Variants in MMRN2 observed in about 807,000 individuals in gnomAD.
The protein encoded by MMRN2 is multimerin-2.
A neutral mutation model predicts 68.8 loss-of-function variants in MMRN2; 53 were observed. The observed-to-expected ratio is 0.77, with a 90% CI of 0.62 to 0.97. The LOEUF (loss-of-function observed/expected upper bound fraction) is 0.97. Among genes scored for constraint, MMRN2 ranks in the 50% least tolerant of loss-of-function variants. The pLI is 0.00. For missense variants in MMRN2, 1,266 were observed against 1,259.5 expected (o/e 1.01, Z -0.08); for synonymous variants, 564 against 551.6 (o/e 1.02, Z -0.32).
At chr10:86,950,122 G>A (rs868385321) in intron 1 of MMRN2, among the ~76,000 whole-genome samples, 8 of 152,034 alleles carry the variant, frequency 5.3e-5, no homozygotes, top group East Asian at 1.9e-4. Flanking sequence ...CGAAGCAGGC[G>A]GATCACGACG....
chr10:86,951,703 TAA>T (rs35247524), intron 1 of MMRN2, among the ~76,000 whole-genome samples: 24 of 151,330 alleles, frequency 1.6e-4, no homozygotes, highest in African/African-American at 3.9e-4. Context: ...AAATGAAACT[TAA>T]AAAAAAAATC....
chr10:86,937,132 CAT>C lies in MMRN2; in HGVS notation c.2468-9_2468-8del, dbSNP rs773833151. ...TAGAAGGCCACAGGGGATCCTGAAACATAACAGGACAGTGCTTAGTGATTCAT... is the reference window on the plus strand; with the variant it reads ...TAGAAGGCCACAGGGGATCCTGAAACAACAGGACAGTGCTTAGTGATTCAT... On this transcript the variant is annotated splice_polypyrimidine_tract_variant and splice_region_variant and intron_variant, in intron 6 of 6. Transcript: ENST00000372027. The C allele has an allele frequency of 2.5e-6, 4 of 1,613,318 alleles. No individual in the cohort carries two copies. Among genetic ancestry groups the C allele is most frequent in the Non-Finnish European group, 3.4e-6 (4 of 1,179,444 alleles).
intron 6 of MMRN2, among the ~76,000 whole-genome samples, chr10:86,940,815 C>T (rs1263228754): frequency 2.6e-5 from 4 of 152,222 alleles, no homozygotes; most frequent in Admixed American, 2.6e-4. Flanking sequence ...GGAGAGGCCA[C>T]AGCTCCAAGG....
intron 1 of MMRN2, among the ~76,000 whole-genome samples, chr10:86,948,185 C>T (rs1435010618): frequency 1.4e-5 from 2 of 146,020 alleles, no homozygotes; most frequent in East Asian, 2.0e-4. Flanking sequence ...ATGATTATGC[C>T]ACTACACTTC....
chr10:86,949,013 C>T (rs1406321460), intron 1 of MMRN2: 1 of 152,180 alleles, frequency 6.6e-6, no homozygotes, highest in African/African-American at 2.4e-5. Context: ...AGATTAAAAG[C>T]ACCACCAGTT....
intron 1 of MMRN2, among the ~76,000 whole-genome samples, chr10:86,956,595 C>T (rs1844236517): frequency 6.6e-6 from 1 of 152,222 alleles, no homozygotes; most frequent in Admixed American, 6.5e-5. Context: ...GATCCTGCTC[C>T]TTAGCTGTGT....
intron 1 of MMRN2, among the ~76,000 whole-genome samples, chr10:86,953,463 C>A (rs74537619): frequency 0.12 from 17,835 of 152,078 alleles, 1,094 homozygotes; most frequent in East Asian, 0.17. Context: ...GCCGCGGCTC[C>A]AGCCTGTCCC....
At chr10:86,949,561 C>T (rs1006645304) in intron 1 of MMRN2, 6 of 151,436 alleles carry the variant, frequency 4.0e-5, no homozygotes, top group African/African-American at 1.2e-4. Flanking sequence ...AAAACAAAAC[C>T]ATTGTGTGAC....
chr10:86,937,379 A>T (rs7078302), intron 6 of MMRN2, among the ~76,000 whole-genome samples: 16,262 of 148,542 alleles, frequency 0.11, 989 homozygotes, highest in Admixed American at 0.2. Flanking sequence ...AAATACTTTC[A>T]TTTTTTTTTT....
At chr10:86,949,894 G>GATGATA (rs1554894661) in intron 1 of MMRN2, 3 of 144,204 alleles carry the variant, frequency 2.1e-5, no homozygotes, top group Non-Finnish European at 4.5e-5. Context: ...TAATAATAAT[G>GATGATA]ATAATAATAA....
intron 1 of MMRN2, among the ~76,000 whole-genome samples, chr10:86,952,295 T>G (rs1844155721): frequency 6.6e-6 from 1 of 152,174 alleles, no homozygotes; most frequent in South Asian, 2.1e-4. Flanking sequence ...AACAGAGAGC[T>G]GGGAAGGCGC....
chr10:86,957,283 A>G (rs1337621096), intron 1 of MMRN2, 95 bp downstream of exon 1: 2 of 1,319,498 alleles, frequency 1.5e-6, no homozygotes, highest in East Asian at 2.3e-5. Context: ...CATTTCACAG[A>G]TGGGACCCCA....
chr10:86,937,009 A>G lies in MMRN2; in HGVS notation c.2584T>C (p.Phe862Leu). 1 of 1,614,246 alleles carries G rather than the reference A, an allele frequency of 6.2e-7. No homozygotes were observed. Among genetic ancestry groups the G allele is most frequent in the Non-Finnish European group, 8.5e-7 (1 of 1,180,048 alleles). Reference protein sequence around the residue: ...GSSYFPEHGYFRAPERGVYLF... With the variant: ...GSSYFPEHGYLRAPERGVYLF... ...TAGACACCACGCTCAGGGGCTCGGA[A>G]GTAGCCATGTTCAGGGAAGTAGCTG... Residue 862 changes from phenylalanine (F) to leucine (L), a missense_variant, in exon 7 of 7, where the codon TTC becomes CTC. Transcript: ENST00000372027.
chr10:86,946,332 C>A (rs925457521), intron 1 of MMRN2, among the ~76,000 whole-genome samples: 1 of 152,264 alleles, frequency 6.6e-6, no homozygotes, highest in Middle Eastern at 3.2e-3. Context: ...GCTGCCCTGG[C>A]AGCCTGCCCA....
chr10:86,943,258 C>T lies in MMRN2; in HGVS notation c.1526G>A (p.Arg509Lys), dbSNP rs534861482. 4 of 1,613,346 alleles carry T rather than the reference C, an allele frequency of 2.5e-6. No individual in the cohort carries two copies. Among genetic ancestry groups the T allele is most frequent in the African/African-American group, 2.7e-5 (2 of 75,062 alleles). The change falls in exon 6 of 7, where the codon AGG becomes AAG. Residue 509 changes from arginine (R) to lysine (K), a missense_variant. Coordinates refer to ENST00000372027, the MANE Select transcript of MMRN2 (RefSeq NM_024756.3). This position sits in a 1 kb window ranked among gnomAD's most constrained non-coding sequence, Gnocchi z 4.2. The part of the protein sequence containing the change: ...LDLDVIREGQ[R>K]DATRALEETQ... ...CTCCTCCAGGGCACGCGTGGCGTCC[C>T]TCTGGCCCTCCCGGATGACGTCCAG...
Position 86,936,901 on chromosome 10 carries a change from A to C in MMRN2, c.2692T>G (p.Cys898Gly). ...VFGGHHRTPV[C>G]TTGQGSGSTA... Reference sequence around the variant, plus strand: ...CTTCCACTCCCCTGCCCAGTGGTACAGACTGGAGTCCGATGGTGACCTCCA... The same window carrying C: ...CTTCCACTCCCCTGCCCAGTGGTACCGACTGGAGTCCGATGGTGACCTCCA... Residue 898 changes from cysteine (C) to glycine (G), a missense_variant, in exon 7 of 7, where the codon TGT becomes GGT. Physicochemically the swap from Cys to Gly is radical, Grantham distance 159 (BLOSUM62 -3). Transcript: ENST00000372027. 1 of 1,614,240 alleles carries C rather than the reference A, an allele frequency of 6.2e-7. No individual in the cohort carries two copies. The highest frequency in any genetic ancestry group is 8.5e-7 in the Non-Finnish European group (1 of 1,180,040).
At chr10:86,953,022 T>A (rs1844165573) in intron 1 of MMRN2, among the ~76,000 whole-genome samples, 1 of 152,224 alleles carries the variant, frequency 6.6e-6, no homozygotes, top group Non-Finnish European at 1.5e-5. Context: ...CATATCCGTT[T>A]ATAGGCTCTC....
chr10:86,950,438 T>C (rs1844130607), intron 1 of MMRN2, among the ~76,000 whole-genome samples: 1 of 152,104 alleles, frequency 6.6e-6, no homozygotes, highest in South Asian at 2.1e-4. Flanking sequence ...CTCTGGGTAA[T>C]TGCATGGCAC....
In MMRN2 at chr10:86,942,410, G is replaced by A. The variant is rs1292543261; in HGVS notation, c.2374C>T (p.Arg792Trp). The A allele has an allele frequency of 2.5e-6, 4 of 1,614,156 alleles. No individual in the cohort carries two copies. Among genetic ancestry groups the A allele is most frequent in the Non-Finnish European group, 1.7e-6 (2 of 1,180,028 alleles). ...TCCGCTTCCTTCTTGTCCCTCTTCC[G>A]GGGAGCTTCCAGGTCTTTCTGCTGC... ...KKQQKDLEAP[R>W]KRDKKEAEPL... The change falls in exon 6 of 7, where the codon CGG (arginine) becomes TGG (tryptophan). Residue 792 changes from arginine (R) to tryptophan (W), a missense_variant. Arg to Trp is a moderately radical substitution (Grantham distance 101). Transcript: ENST00000372027.
Sources: gnomAD v4.1 joint callset for allele counts (sites outside exome capture counted in the v4.1 genomes callset) on GRCh38, gnomAD v4.1.1 for gene constraint, Gnocchi (gnomAD v3.1) non-coding constraint, MANE v1.5 for transcripts, NCBI Gene and HGNC (gene_info 2026-07-23, HGNC 2026-07-21) for gene names.